The following CALCR variants were observed in gnomAD, a reference collection of about 807,000 sequenced individuals.
CALCR encodes the protein calcitonin receptor.
CALCR carries 47 observed loss-of-function variants against 59.5 expected under a neutral mutation model. The ratio of observed to expected loss-of-function variants is 0.79; its 90% CI spans 0.63 to 1.01. CALCR has a LOEUF of 1.01. CALCR is among the 50% of genes least tolerant of loss of function. The pLI, the probability that CALCR is intolerant of heterozygous loss-of-function variation, is 0.00. For missense variants in CALCR, 566 were observed against 597.1 expected, an observed-to-expected ratio of 0.95 and a Z score of 0.54; for synonymous variants, 213 against 211.3, an observed-to-expected ratio of 1.01 and a Z score of -0.07.
At chr7:93,564,699 C>T (rs1563022695) in intron 2 of CALCR, among the ~76,000 whole-genome samples, 2 of 151,954 alleles carry the variant, frequency 1.3e-5, no homozygotes, top group Non-Finnish European at 2.9e-5. Flanking sequence ...GGTGATCCAC[C>T]TGCCTCAGCC....
chr7:93,509,295 G>T (rs1801495505), intron 2 of CALCR, among the ~76,000 whole-genome samples: 1 of 152,080 alleles, frequency 6.6e-6, no homozygotes, highest in South Asian at 2.1e-4. Context: ...AATTTAAGGA[G>T]CCACCTTCTC....
intron 2 of CALCR, among the ~76,000 whole-genome samples, chr7:93,564,463 A>T (rs546828593): frequency 0.012 from 1,847 of 151,934 alleles, 46 homozygotes; most frequent in African/African-American, 0.042. Flanking sequence ...ACACTTTTAA[A>T]AAAAAAAAAA....
intron 2 of CALCR, among the ~76,000 whole-genome samples, chr7:93,506,607 T>C (rs1801430952): frequency 6.6e-6 from 1 of 152,130 alleles, no homozygotes; most frequent in Non-Finnish European, 1.5e-5. Context: ...ATGGCTCAAT[T>C]GTTTGTTGAA....
chr7:93,453,755 G>A (rs113589782), intron 8 of CALCR, among the ~76,000 whole-genome samples: 2 of 151,588 alleles, frequency 1.3e-5, no homozygotes, highest in Non-Finnish European at 1.5e-5. Flanking sequence ...CTGGAGATTG[G>A]GTATATGTTT....
chr7:93,475,949 AAAAG>A (rs1297279705), intron 5 of CALCR, among the ~76,000 whole-genome samples: 39 of 151,810 alleles, frequency 2.6e-4, no homozygotes, highest in Non-Finnish European at 5.9e-5. Context: ...CTGACCCATG[AAAAG>A]TACAATGTGC....
At chr7:93,548,395 C>T (rs1008610055) in intron 2 of CALCR, among the ~76,000 whole-genome samples, 4 of 152,098 alleles carry the variant, frequency 2.6e-5, no homozygotes, top group Non-Finnish European at 5.9e-5. Flanking sequence ...GTAGGAGGGT[C>T]TAAATAAGTT....
chr7:93,545,902 G>T (rs1269359737), intron 2 of CALCR, among the ~76,000 whole-genome samples: 1 of 151,944 alleles, frequency 6.6e-6, no homozygotes, highest in Non-Finnish European at 1.5e-5. Context: ...AGCCTAATTA[G>T]GGATTAAAGT....
In CALCR at chr7:93,550,938, T is replaced by C. The variant is rs193180444; in HGVS notation, c.-27+23351A>G. Among the ~76,000 whole-genome samples, 497 of 152,260 alleles carry C rather than the reference T, an allele frequency of 3.3e-3. 2 individuals carry two copies. Among genetic ancestry groups the C allele is most frequent in the Non-Finnish European group, 5.6e-3 (382 of 68,022 alleles). On this transcript the variant is annotated intron_variant, in intron 2 of 13. Transcript: ENST00000426151. ...AAAACACATCTGTAATATTTAAAGGTAAGTTTTTAATTTATACCTGCTTCT... is the reference window on the plus strand; with the variant it reads ...AAAACACATCTGTAATATTTAAAGGCAAGTTTTTAATTTATACCTGCTTCT...
chr7:93,552,245 T>G (rs962799682), intron 2 of CALCR, among the ~76,000 whole-genome samples: 1 of 152,122 alleles, frequency 6.6e-6, no homozygotes, highest in Admixed American at 6.6e-5. Flanking sequence ...CTATGAAAAT[T>G]AAATAAGGTA....
intron 2 of CALCR, among the ~76,000 whole-genome samples, chr7:93,539,597 A>G (rs1186146707): frequency 1.3e-5 from 2 of 152,030 alleles, no homozygotes; most frequent in Non-Finnish European, 2.9e-5. Context: ...AGGTCCCTGG[A>G]ATCAGGCATG....
Position 93,435,906 on chromosome 7 carries a change from C to T in CALCR, c.1149+46G>A. 2 of 990,456 alleles carry T rather than the reference C, an allele frequency of 2.0e-6. 1 individual carries two copies. Among genetic ancestry groups the T allele is most frequent in the South Asian group, 2.8e-5 (2 of 71,152 alleles). 61.4% of individuals were successfully genotyped at this position (990,456 alleles called of 1,614,324 possible). On this transcript the variant is annotated intron_variant, in intron 12 of 13. Coordinates refer to ENST00000426151, the MANE Select transcript of CALCR (RefSeq NM_001742.4). ...GGGCTTTAGAGTTAAAATCAGCTAG[C>T]TGAATAAGCACAGTAGTTGAATAAA...
chr7:93,434,389 GA>G (rs200558502), intron 12 of CALCR, 95 bp from the exon 13 acceptor site: 29,338 of 492,956 alleles, frequency 0.06, 45 homozygotes, highest in Non-Finnish European at 0.066. Flanking sequence ...AAGGCCTGAT[GA>G]AAAAAAAAAA....
At position 93,472,501 on chromosome 7, in the gene CALCR, A is replaced by G; in HGVS notation, c.317-14T>C. On this transcript the variant is annotated splice_polypyrimidine_tract_variant and intron_variant, in intron 5 of 13. Coordinates refer to ENST00000426151, the MANE Select transcript of CALCR (RefSeq NM_001742.4). ...TTGTAACCTTTTCTGTTAATGAAAC[A>G]TAACAGTTATTGCATTAATATCTCA... 1.4e-6 allele frequency: 2 copies of G among 1,388,630 alleles called. No individual in the cohort carries two copies. The highest frequency in any genetic ancestry group is 1.0e-6 in the Non-Finnish European group (1 of 978,826). 86.0% of individuals were successfully genotyped at this position (1,388,630 alleles called of 1,614,324 possible).
At chr7:93,483,303 G>GA (rs1363312349) in intron 3 of CALCR, among the ~76,000 whole-genome samples, 1 of 151,276 alleles carries the variant, frequency 6.6e-6, no homozygotes, top group Non-Finnish European at 1.5e-5. Flanking sequence ...ATAATAAAAA[G>GA]AAAAATAGTC....
chr7:93,488,101 A>G (rs1800989236), intron 2 of CALCR, among the ~76,000 whole-genome samples: 1 of 151,838 alleles, frequency 6.6e-6, no homozygotes, highest in Non-Finnish European at 1.5e-5. Flanking sequence ...GGAGGCCAAT[A>G]TTCAACATTC....
At chr7:93,506,489 T>C (rs1454538622) in intron 2 of CALCR, among the ~76,000 whole-genome samples, 1 of 152,078 alleles carries the variant, frequency 6.6e-6, no homozygotes, top group Non-Finnish European at 1.5e-5. Context: ...TTAATGTCCT[T>C]CAAACAAGCA....
chr7:93,519,664 C>T (rs912504088), intron 2 of CALCR, among the ~76,000 whole-genome samples: 2 of 151,882 alleles, frequency 1.3e-5, no homozygotes, highest in Non-Finnish European at 2.9e-5. Flanking sequence ...CTCTGTGTCC[C>T]CACCCAAATC....
At chr7:93,570,254 T>C (rs1264366728) in intron 2 of CALCR, among the ~76,000 whole-genome samples, 1 of 152,116 alleles carries the variant, frequency 6.6e-6, no homozygotes, top group African/African-American at 2.4e-5. Flanking sequence ...AATTAAAGAT[T>C]AGAAAACAAG....
intron 2 of CALCR, among the ~76,000 whole-genome samples, chr7:93,543,781 T>A (rs1294870471): frequency 6.6e-6 from 1 of 152,156 alleles, no homozygotes; most frequent in Non-Finnish European, 1.5e-5. Context: ...CAATATTTTT[T>A]AAACCAAAAT....
Sources: allele counts gnomAD v4.1 joint callset (sites outside exome capture counted in the v4.1 genomes callset), GRCh38; gene constraint gnomAD v4.1.1; transcripts MANE v1.5; gene names NCBI Gene and HGNC (gene_info 2026-07-23, HGNC 2026-07-21).